The following PASK variants were observed in gnomAD, a reference collection of about 807,000 sequenced individuals.
PASK encodes the protein PAS domain containing serine/threonine kinase, also known as PAS domain-containing serine/threonine-protein kinase.
PASK carries 110 observed loss-of-function variants against 121.0 expected under a neutral mutation model. That is an observed-to-expected ratio of 0.91 (90% CI 0.78 to 1.06). The LOEUF (loss-of-function observed/expected upper bound fraction) is 1.06. PASK is among the 50% of genes least tolerant of loss of function. The pLI is 0.00. For synonymous variants in PASK, 686 were observed against 717.8 expected, an observed-to-expected ratio of 0.96 and a Z score of 0.71; for missense variants, 1,643 against 1,702.3, an observed-to-expected ratio of 0.97 and a Z score of 0.61.
chr2:241,141,251 C>T lies in PASK; in HGVS notation c.197-498G>A, dbSNP rs2066685772. Among the ~76,000 whole-genome samples the T allele has an allele frequency of 3.9e-5, 6 of 152,304 alleles. No individual in the cohort carries two copies. The South Asian group carries it at 1.2e-3, about 32-fold the overall frequency. Reference sequence around the variant, plus strand: ...GCAGCGAGCTATGACTGCGCCACTGCACTCCAGCCTGAGCAACAGTCAGAC... The same window carrying T: ...GCAGCGAGCTATGACTGCGCCACTGTACTCCAGCCTGAGCAACAGTCAGAC... On this transcript the variant is annotated intron_variant, in intron 2 of 17. Coordinates refer to ENST00000234040, the MANE Select transcript of PASK (RefSeq NM_015148.4).
intron 12 of PASK, 89 bp from the exon 13 acceptor site, chr2:241,115,502 C>T (rs2065291175): frequency 4.6e-6 from 7 of 1,515,644 alleles, no homozygotes; most frequent in East Asian, 2.3e-5. Flanking sequence ...TCAAGCATCC[C>T]ATTACACCAG....
At chr2:241,144,368 C>A (rs559255255) in intron 1 of PASK, among the ~76,000 whole-genome samples, 1 of 152,182 alleles carries the variant, frequency 6.6e-6, no homozygotes, top group African/African-American at 2.4e-5. Flanking sequence ...TGGCAGGAAG[C>A]CCCCACCTGG....
intron 9 of PASK, among the ~76,000 whole-genome samples, chr2:241,129,802 C>G (rs565842268): frequency 3.3e-5 from 5 of 152,346 alleles, no homozygotes; most frequent in African/African-American, 1.2e-4. Flanking sequence ...CCTTGAGCTG[C>G]TGGGACCTCA....
rs767264831 is a variant in PASK at position 241,126,756 on chromosome 2, G to C, written c.2159C>G (p.Thr720Arg). 1.9e-6 allele frequency: 3 copies of C among 1,613,932 alleles called. No homozygotes were observed. The African/African-American group carries it at 4.0e-5, about 22-fold the overall frequency. ...GSSSACYALA[T>R]DLPGGLEAVE... ...TGCTTCCAGGCCCCCAGGGAGGTCC[G>C]TGGCCAAGGCATAGCAGGCTGAGGA... is the stretch of plus-strand genomic sequence containing the variant. Residue 720 changes from threonine to arginine, a missense_variant, in exon 10 of 18, where the codon ACG (threonine) becomes AGG (arginine). Transcript: ENST00000234040.
intron 15 of PASK, chr2:241,109,173 C>T (rs571551202): frequency 6.5e-6 from 1 of 153,254 alleles, no homozygotes; most frequent in East Asian, 1.9e-4. Flanking sequence ...TCCATGCTAC[C>T]ATCTATTGGG....
intron 9 of PASK, among the ~76,000 whole-genome samples, chr2:241,129,337 G>T (rs1243890848): frequency 2.0e-5 from 3 of 152,154 alleles, no homozygotes; most frequent in Non-Finnish European, 4.4e-5. Context: ...AGTCACCTGG[G>T]TCCACGGCCC....
intron 1 of PASK, among the ~76,000 whole-genome samples, chr2:241,148,089 G>A (rs1283215907): frequency 6.6e-6 from 1 of 152,104 alleles, no homozygotes; most frequent in African/African-American, 2.4e-5. Flanking sequence ...ATACCTGCAC[G>A]TCCAGGCCCA....
Position 241,108,550 on chromosome 2 carries a change from G to A in PASK, c.3534-250C>T. The stretch of plus-strand genomic sequence containing the variant: ...TCCGAGGCTAATCAGGAACTTCCTT[G>A]TGGACACCAACCACAAGACGTGTCT... On this transcript the variant is annotated intron_variant, in intron 15 of 17. Coordinates refer to ENST00000234040, the MANE Select transcript of PASK (RefSeq NM_015148.4). The surrounding 1 kb of genome is among the most constrained non-coding windows in gnomAD (Gnocchi z 5.2). 1.8e-6 allele frequency: 1 copy of A among 560,146 alleles called. No homozygotes were observed. The highest frequency in any genetic ancestry group is 3.2e-5 in the East Asian group (1 of 31,720). The allele number at this position is 560,146 out of a possible 1,614,324, so 34.7% of individuals were successfully genotyped here. A position where few individuals can be genotyped will look rare whatever the true frequency, so the allele number is the denominator to read the frequency against.
At chr2:241,125,100 A>T (rs933128297) in intron 10 of PASK, among the ~76,000 whole-genome samples, 1 of 152,010 alleles carries the variant, frequency 6.6e-6, no homozygotes, top group Non-Finnish European at 1.5e-5. Context: ...GGAGTTCGAG[A>T]CCAGCCTGGC....
intron 8 of PASK, among the ~76,000 whole-genome samples, 196 bp downstream of exon 8, chr2:241,135,675 T>C (rs113854745): frequency 1.3e-5 from 2 of 152,014 alleles, no homozygotes; most frequent in African/African-American, 4.8e-5. Context: ...CTCATATGTT[T>C]ATAAGAATAT....
intron 12 of PASK, among the ~76,000 whole-genome samples, chr2:241,119,312 G>A (rs544601823): frequency 1.3e-5 from 2 of 152,288 alleles, no homozygotes; most frequent in South Asian, 4.1e-4. Context: ...CGTGCCCTGT[G>A]CACGCCACCC....
At chr2:241,148,792 G>T (rs1339895588) in intron 1 of PASK, among the ~76,000 whole-genome samples, 2 of 152,216 alleles carry the variant, frequency 1.3e-5, no homozygotes, top group Non-Finnish European at 2.9e-5. Flanking sequence ...GAAAGATGAA[G>T]AGAGGGAACC....
chr2:241,144,793 C>T (rs1484785053), intron 1 of PASK, among the ~76,000 whole-genome samples: 1 of 152,176 alleles, frequency 6.6e-6, no homozygotes, highest in Middle Eastern at 3.2e-3. Flanking sequence ...AAGGAGTCCC[C>T]CCTCCTTGCC....
chr2:241,108,397 C>A lies in PASK; in HGVS notation c.3534-97G>T. On this transcript the variant is annotated intron_variant, in intron 15 of 17. Transcript: ENST00000234040. The surrounding 1 kb of genome is among the most constrained non-coding windows in gnomAD (Gnocchi z 5.2). ...ACCATGGCCCTTCCCGACCAGCACA[C>A]AGGCCAGGCAGTGGTTTCCCAAGAG... 8.1e-7 allele frequency: 1 copy of A among 1,241,086 alleles called. No homozygotes were observed. The highest frequency in any genetic ancestry group is 1.2e-5 in the South Asian group (1 of 82,306). 76.9% of individuals were successfully genotyped at this position (1,241,086 alleles called of 1,614,324 possible).
At chr2:241,145,938 C>T (rs541526330) in intron 1 of PASK, 125 of 142,840 alleles carry the variant, frequency 8.8e-4, no homozygotes, top group African/African-American at 3.3e-3. Context: ...CTCCGTCCCC[C>T]CCAAAAAAAA....
intron 1 of PASK, among the ~76,000 whole-genome samples, chr2:241,144,062 T>A (rs2066834594): frequency 6.6e-6 from 1 of 152,192 alleles, no homozygotes. Context: ...TCGTCCAGAT[T>A]TCAAGGCATT....
At chr2:241,109,647 G>A (rs985474275) in intron 15 of PASK, 78 of 152,976 alleles carry the variant, frequency 5.1e-4, no homozygotes, top group African/African-American at 1.7e-3. Context: ...CAGGGTGGTG[G>A]GGTGGCTAGC....
chr2:241,119,928 T>TG (rs755917277), intron 12 of PASK, among the ~76,000 whole-genome samples: 1 of 152,200 alleles, frequency 6.6e-6, no homozygotes, highest in Non-Finnish European at 1.5e-5. Context: ...AACATGTGTA[T>TG]GTTTGTGTAC....
chr2:241,139,297 C>T (rs2066590333), intron 4 of PASK, among the ~76,000 whole-genome samples: 1 of 152,168 alleles, frequency 6.6e-6, no homozygotes, highest in South Asian at 2.1e-4. Context: ...CCACTGCCCT[C>T]CAACGCTACT....
Sources: gnomAD v4.1 joint callset for allele counts (sites outside exome capture counted in the v4.1 genomes callset) on GRCh38, gnomAD v4.1.1 for gene constraint, Gnocchi (gnomAD v3.1) non-coding constraint, MANE v1.5 for transcripts, NCBI Gene and HGNC (gene_info 2026-07-23, HGNC 2026-07-21) for gene names.